Variants in PRKCA observed in about 807,000 individuals in gnomAD.
The protein encoded by PRKCA is protein kinase C alpha.
Under a neutral mutation model 87.0 loss-of-function variants are expected in PRKCA, and 27 were observed. That is an observed-to-expected ratio of 0.31 (90% CI 0.23 to 0.43). The LOEUF (loss-of-function observed/expected upper bound fraction) is 0.43. Among genes scored for constraint, PRKCA ranks in the 20% least tolerant of loss-of-function variants. The pLI is 1.00. For synonymous variants in PRKCA, 329 were observed against 311.1 expected (o/e 1.06, Z -0.61); for missense variants, 518 against 852.3 (o/e 0.61, Z 4.88).
At chr17:66,494,521 C>A (rs1326935578) in intron 2 of PRKCA, among the ~76,000 whole-genome samples, 2 of 152,176 alleles carry the variant, frequency 1.3e-5, no homozygotes, top group African/African-American at 4.8e-5. Flanking sequence ...AGGGCAAAGC[C>A]CTCATGGTGG....
At chr17:66,324,642 T>C (rs1054939050) in intron 2 of PRKCA, among the ~76,000 whole-genome samples, 4 of 151,998 alleles carry the variant, frequency 2.6e-5, no homozygotes, top group African/African-American at 7.2e-5. Context: ...TATAAGTTAA[T>C]ATATAAAAAA....
intron 16 of PRKCA, among the ~76,000 whole-genome samples, chr17:66,798,539 A>ATGGTGGTGG (rs1975758206): frequency 2.2e-4 from 1 of 4,464 alleles, no homozygotes; most frequent in Non-Finnish European, 3.3e-4. Flanking sequence ...GATGGTGGTG[A>ATGGTGGTGG]CGGTGGTGGT....
At chr17:66,311,483 G>A (rs1905084037) in intron 2 of PRKCA, among the ~76,000 whole-genome samples, 1 of 152,134 alleles carries the variant, frequency 6.6e-6, no homozygotes, top group Admixed American at 6.5e-5. Flanking sequence ...GGGCATGGTG[G>A]TGCAGCACCC....
chr17:66,749,364 A>G (rs1001201561), intron 13 of PRKCA, among the ~76,000 whole-genome samples: 1 of 147,246 alleles, frequency 6.8e-6, no homozygotes, highest in African/African-American at 2.5e-5. Flanking sequence ...AGACCTCTCC[A>G]TCCTCAGGCC....
intron 3 of PRKCA, among the ~76,000 whole-genome samples, chr17:66,534,219 A>G (rs1330162415): frequency 6.6e-6 from 1 of 152,110 alleles, no homozygotes; most frequent in African/African-American, 2.4e-5. Context: ...GTCAGTTATT[A>G]TTGTTCTAAC....
At chr17:66,490,085 T>G (rs548795977) in intron 2 of PRKCA, among the ~76,000 whole-genome samples, 17 of 152,242 alleles carry the variant, frequency 1.1e-4, no homozygotes, top group Non-Finnish European at 1.5e-5. Context: ...CCAGCCCAAA[T>G]ACTCTTTCTT....
chr17:66,439,706 A>C (rs186718271), intron 2 of PRKCA, among the ~76,000 whole-genome samples: 84 of 152,300 alleles, frequency 5.5e-4, no homozygotes, highest in African/African-American at 1.9e-3. Context: ...GTCTCTGCTT[A>C]TCTGCATTTT....
chr17:66,472,968 T>C (rs1056151246), intron 2 of PRKCA, among the ~76,000 whole-genome samples: 2 of 152,108 alleles, frequency 1.3e-5, no homozygotes, highest in Non-Finnish European at 2.9e-5. Context: ...GTCCAGAGCA[T>C]GGTAGAGAAA....
intron 14 of PRKCA, among the ~76,000 whole-genome samples, chr17:66,783,781 G>T (rs1975304631): frequency 6.6e-6 from 1 of 152,188 alleles, no homozygotes; most frequent in Admixed American, 6.5e-5. Context: ...TTAGGCCTTT[G>T]GTTTGCATTG....
intron 3 of PRKCA, among the ~76,000 whole-genome samples, chr17:66,559,367 TC>T (rs1198583647): frequency 1.3e-5 from 2 of 150,406 alleles, no homozygotes; most frequent in African/African-American, 4.9e-5. Flanking sequence ...TCCCAGCTAC[TC>T]AGGAGGCTGA....
At chr17:66,761,097 C>T (rs954326015) in intron 13 of PRKCA, among the ~76,000 whole-genome samples, 7 of 152,080 alleles carry the variant, frequency 4.6e-5, no homozygotes, top group African/African-American at 1.2e-4. Flanking sequence ...ATAGGCTGGG[C>T]GCAGTGGCTC....
In PRKCA at chr17:66,809,767, C is replaced by T. The variant is rs897878732; in HGVS notation, c.*5730C>T. Reference sequence around the variant, plus strand: ...AGAAACTTCCAAACCACAGGAAAGACATTTTTAGTGTCCCCCATCCAGAGG... The same window carrying T: ...AGAAACTTCCAAACCACAGGAAAGATATTTTTAGTGTCCCCCATCCAGAGG... On this transcript the variant is annotated 3_prime_UTR_variant, in exon 17 of 17. Coordinates refer to ENST00000413366, the MANE Select transcript of PRKCA (RefSeq NM_002737.3). The T allele has an allele frequency of 6.6e-6, 1 of 152,214 alleles. No individual in the cohort carries two copies. Among genetic ancestry groups the T allele is most frequent in the Admixed American group, 6.5e-5 (1 of 15,280 alleles). 9.4% of individuals were successfully genotyped at this position (152,214 alleles called of 1,614,324 possible). A position where few individuals can be genotyped will look rare whatever the true frequency, so the allele number is the denominator to read the frequency against.
rs1481341630 is a variant in PRKCA at position 66,740,125 on chromosome 17, G to T, written c.1322+1270G>T. Among the ~76,000 whole-genome samples the T allele has an allele frequency of 7.0e-5, 10 of 142,192 alleles. No individual in the cohort carries two copies. In the Admixed American group the frequency reaches 7.3e-4, roughly 10 times the overall value. 93.3% of individuals were successfully genotyped at this position (142,192 alleles called of 152,430 possible). A position where few individuals can be genotyped will look rare whatever the true frequency, so the allele number is the denominator to read the frequency against. On this transcript the variant is annotated intron_variant, in intron 11 of 16. Coordinates refer to ENST00000413366, the MANE Select transcript of PRKCA (RefSeq NM_002737.3). ...GAGACCCCATTTCAGGCTTGGGTCGGGGCAGCCACCAAGGAGGAGGTGGTT... is the reference window on the plus strand; with the variant it reads ...GAGACCCCATTTCAGGCTTGGGTCGTGGCAGCCACCAAGGAGGAGGTGGTT...
intron 2 of PRKCA, among the ~76,000 whole-genome samples, chr17:66,399,234 A>T (rs1472756967): frequency 6.6e-6 from 1 of 151,070 alleles, no homozygotes; most frequent in African/African-American, 2.4e-5. Flanking sequence ...AAGTAGTGGG[A>T]CACCATGCCC....
chr17:66,325,101 A>G (rs570758736), intron 2 of PRKCA, among the ~76,000 whole-genome samples: 1 of 152,338 alleles, frequency 6.6e-6, no homozygotes, highest in South Asian at 2.1e-4. Context: ...AAAAACAACT[A>G]TGCCAGTAAA....
intron 8 of PRKCA, among the ~76,000 whole-genome samples, chr17:66,717,870 C>T (rs1431156019): frequency 6.6e-6 from 1 of 152,216 alleles, no homozygotes; most frequent in Non-Finnish European, 1.5e-5. Flanking sequence ...TGACTCATGC[C>T]TGTGATTTGC....
chr17:66,364,860 T>C (rs977504465), intron 2 of PRKCA, among the ~76,000 whole-genome samples: 1 of 152,220 alleles, frequency 6.6e-6, no homozygotes, highest in African/African-American at 2.4e-5. Flanking sequence ...AATTTTGATG[T>C]GATTTTTTTC....
At position 66,389,340 on chromosome 17, in the gene PRKCA, C is replaced by T. The variant is rs186207802; in HGVS notation, c.205+83213C>T. On this transcript the variant is annotated intron_variant, in intron 2 of 16. Coordinates refer to ENST00000413366, the MANE Select transcript of PRKCA (RefSeq NM_002737.3). ...GAGGCAGGCTTGAGGACCTCTCCTG[C>T]AGCGTAGTGGATGGGGAGGAACAGC... Among the ~76,000 whole-genome samples the T allele has an allele frequency of 3.3e-4, 51 of 152,306 alleles. 1 individual carries two copies. Among genetic ancestry groups the T allele is most frequent in the African/African-American group, 1.1e-3 (46 of 41,580 alleles).
In PRKCA at chr17:66,777,226, G is replaced by C. The variant is rs913547141; in HGVS notation, c.1605+3159G>C. On this transcript the variant is annotated intron_variant, in intron 14 of 16. Coordinates refer to ENST00000413366, the MANE Select transcript of PRKCA (RefSeq NM_002737.3). ...ACTGTGACCATGAACGTCATCTCCA[G>C]ATCAGCGGCTTTGCCTCTAGGATGG... 3 of 985,338 alleles carry C rather than the reference G, an allele frequency of 3.0e-6. No homozygotes were observed. In the East Asian group the frequency reaches 3.4e-4, roughly 112 times the overall value. 61.0% of individuals were successfully genotyped at this position (985,338 alleles called of 1,614,324 possible).
Sources: gnomAD v4.1 joint callset for allele counts (sites outside exome capture counted in the v4.1 genomes callset) on GRCh38, gnomAD v4.1.1 for gene constraint, MANE v1.5 for transcripts, NCBI Gene and HGNC (gene_info 2026-07-23, HGNC 2026-07-21) for gene names.